The following CCDC158 variants were observed in gnomAD, a reference collection of about 807,000 sequenced individuals.
CCDC158 encodes the protein coiled-coil domain-containing protein 158.
CCDC158 carries 116 observed loss-of-function variants against 138.6 expected under a neutral mutation model. That is an observed-to-expected ratio of 0.84 (90% confidence interval 0.72 to 0.98). The LOEUF is 0.98. Ranked by LOEUF, CCDC158 falls within the 50% of genes least tolerant of loss-of-function variation. The pLI, the probability that CCDC158 is intolerant of heterozygous loss-of-function variation, is 0.00. For synonymous variants in CCDC158, 436 were observed against 442.4 expected (o/e 0.99, Z 0.18); for missense variants, 1,265 against 1,306.1 (o/e 0.97, Z 0.48).
At chr4:76,329,589 A>T (rs1720843325) in intron 21 of CCDC158, among the ~76,000 whole-genome samples, 1 of 152,200 alleles carries the variant, frequency 6.6e-6, no homozygotes, top group Non-Finnish European at 1.5e-5. Flanking sequence ...GTCTCAAATA[A>T]ATAAATAAAT....
At chr4:76,398,326 A>G (rs1390971183) in intron 3 of CCDC158, among the ~76,000 whole-genome samples, 2 of 152,186 alleles carry the variant, frequency 1.3e-5, no homozygotes, top group African/African-American at 2.4e-5. Context: ...GTAACTTTCA[A>G]TTAGTGGGAT....
At chr4:76,320,569 G>A (rs1010244707) in intron 24 of CCDC158, among the ~76,000 whole-genome samples, 2 of 152,108 alleles carry the variant, frequency 1.3e-5, no homozygotes, top group Non-Finnish European at 2.9e-5. Context: ...CACCAAAACA[G>A]CATGGTACTG....
intron 1 of CCDC158, among the ~76,000 whole-genome samples, chr4:76,415,238 G>C (rs1361547395): frequency 6.6e-6 from 1 of 152,206 alleles, no homozygotes; most frequent in Non-Finnish European, 1.5e-5. Context: ...CTTTGATCTT[G>C]AGAGAGATGA....
At chr4:76,409,500 G>A (rs917211615) in intron 2 of CCDC158, among the ~76,000 whole-genome samples, 5 of 152,160 alleles carry the variant, frequency 3.3e-5, no homozygotes, top group Admixed American at 2.0e-4. Flanking sequence ...TTAAAATTAT[G>A]AACAGGTTCA....
chr4:76,342,693 G>A (rs1053707880), intron 18 of CCDC158, among the ~76,000 whole-genome samples: 2 of 152,148 alleles, frequency 1.3e-5, no homozygotes, highest in African/African-American at 4.8e-5. Flanking sequence ...AGGGTAAAGA[G>A]GAAAGGACAG....
rs1193777094 is a variant in CCDC158 at position 76,321,425 on chromosome 4, G to A, written c.3277+1877C>T. Among the ~76,000 whole-genome samples the A allele has an allele frequency of 3.3e-5, 5 of 151,784 alleles. No homozygotes were observed. In the East Asian group the frequency reaches 7.7e-4, roughly 23 times the overall value. On this transcript the variant is annotated intron_variant, in intron 24 of 24. Coordinates refer to ENST00000682701, the MANE Select transcript of CCDC158 (RefSeq NM_001394954.1). Reference sequence around the variant, plus strand: ...TAATCCCACTACTGGAGGAAAAGAAGTCATTATATGTAAAGGACACTTGCA... The same window carrying A: ...TAATCCCACTACTGGAGGAAAAGAAATCATTATATGTAAAGGACACTTGCA...
chr4:76,394,274 T>A (rs924463589), intron 4 of CCDC158, among the ~76,000 whole-genome samples: 1 of 152,156 alleles, frequency 6.6e-6, no homozygotes, highest in Non-Finnish European at 1.5e-5. Context: ...GTGGTACTTA[T>A]AAACAGTGGA....
rs547673475 is a variant in CCDC158, at chr4:76,406,057, T to G, written c.-73-2777A>C. 5.3e-5 allele frequency among the ~76,000 whole-genome samples: 8 copies of G among 152,244 alleles called. No individual in the cohort carries two copies. In the East Asian group the frequency reaches 1.5e-3, roughly 29 times the overall value. On this transcript the variant is annotated intron_variant, in intron 2 of 24. Coordinates refer to ENST00000682701, the MANE Select transcript of CCDC158 (RefSeq NM_001394954.1). Reference sequence around the variant, plus strand: ...CTATTGGAAGAAAAGGATTTTCAAATTGACTTTAAAAAAAACAACCCTGCT... The same window carrying G: ...CTATTGGAAGAAAAGGATTTTCAAAGTGACTTTAAAAAAAACAACCCTGCT...
At chr4:76,335,543 G>A (rs1259066693) in intron 18 of CCDC158, among the ~76,000 whole-genome samples, 1 of 152,084 alleles carries the variant, frequency 6.6e-6, no homozygotes, top group Non-Finnish European at 1.5e-5. Context: ...TAGGTTCTTT[G>A]AGAGTGACTG....
chr4:76,414,261 C>T (rs909768240), intron 1 of CCDC158: 12 of 152,250 alleles, frequency 7.9e-5, no homozygotes, highest in African/African-American at 2.6e-4. Flanking sequence ...TTAAATTCAC[C>T]TTATCCCAAA....
chr4:76,411,702 T>C (rs1481352191), intron 2 of CCDC158, among the ~76,000 whole-genome samples: 2 of 152,234 alleles, frequency 1.3e-5, no homozygotes, highest in Non-Finnish European at 2.9e-5. Flanking sequence ...ATTGGTTAAC[T>C]GTGAGAGCAT....
At chr4:76,354,680 T>C (rs1468583227) in intron 15 of CCDC158, among the ~76,000 whole-genome samples, 2 of 152,098 alleles carry the variant, frequency 1.3e-5, no homozygotes, top group East Asian at 1.9e-4. Flanking sequence ...ACAAGAAGCA[T>C]ACATGCACAC....
At chr4:76,325,752 CA>C in intron 23 of CCDC158, 104 bp downstream of exon 23, 4 of 879,532 alleles carry the variant, frequency 4.5e-6, no homozygotes, top group Non-Finnish European at 6.9e-6. Context: ...TTAGAGCTTA[CA>C]CATAAGAGCA....
intron 2 of CCDC158, among the ~76,000 whole-genome samples, chr4:76,407,559 T>A (rs1728931326): frequency 1.3e-5 from 2 of 152,200 alleles, no homozygotes; most frequent in African/African-American, 4.8e-5. Context: ...GTTGTATAAC[T>A]TTACTGATAC....
upstream of CCDC158, among the ~76,000 whole-genome samples, chr4:76,421,463 T>C (rs1730122712): frequency 6.6e-6 from 1 of 152,102 alleles, no homozygotes; most frequent in African/African-American, 2.4e-5. Flanking sequence ...CGGCGCCCTC[T>C]GCCGCTTCTC....
intron 11 of CCDC158, 115 bp from the exon 12 acceptor site, chr4:76,367,891 G>C: frequency 2.3e-6 from 2 of 853,718 alleles, no homozygotes; most frequent in Non-Finnish European, 3.2e-6. Flanking sequence ...TGTTTAGTAA[G>C]ATCTTTTTTT....
chr4:76,328,263 A>G (rs1720701110), intron 22 of CCDC158, among the ~76,000 whole-genome samples: 1 of 152,180 alleles, frequency 6.6e-6, no homozygotes, highest in Non-Finnish European at 1.5e-5. Flanking sequence ...ATATTTATTC[A>G]GCACCTGCTA....
chr4:76,376,752 A>ATG (rs1725754482), intron 9 of CCDC158, among the ~76,000 whole-genome samples: 1 of 152,138 alleles, frequency 6.6e-6, no homozygotes, highest in Non-Finnish European at 1.5e-5. Flanking sequence ...GACCAAACCA[A>ATG]AGGGAGTTAC....
At chr4:76,412,393 G>A (rs1429519846) in intron 1 of CCDC158, among the ~76,000 whole-genome samples, 4 of 152,132 alleles carry the variant, frequency 2.6e-5, no homozygotes, top group Non-Finnish European at 5.9e-5. Flanking sequence ...AAGGAAGACT[G>A]CTTGAGGCCA....
Sources: gnomAD v4.1 joint callset for allele counts (sites outside exome capture counted in the v4.1 genomes callset) on GRCh38, gnomAD v4.1.1 for gene constraint, MANE v1.5 for transcripts, NCBI Gene and HGNC (gene_info 2026-07-23, HGNC 2026-07-21) for gene names.